Variants in FBXL17 observed in about 807,000 individuals in gnomAD.
FBXL17 encodes the protein F-box and leucine rich repeat protein 17, also known as F-box/LRR-repeat protein 17.
Under a neutral mutation model 66.2 loss-of-function variants are expected in FBXL17, and 22 were observed. The ratio of observed to expected loss-of-function variants is 0.33; its 90% CI spans 0.24 to 0.47. FBXL17 has a LOEUF of 0.47. Ranked by LOEUF, FBXL17 falls within the 20% of genes least tolerant of loss-of-function variation. The pLI, the probability that FBXL17 is intolerant of heterozygous loss-of-function variation, is 1.00. For synonymous variants in FBXL17, 474 were observed against 400.5 expected, an observed-to-expected ratio of 1.18 and a Z score of -2.19; for missense variants, 878 against 948.2, an observed-to-expected ratio of 0.93 and a Z score of 0.97.
chr5:108,275,394 A>G (rs1757443278), intron 4 of FBXL17, among the ~76,000 whole-genome samples: 1 of 152,182 alleles, frequency 6.6e-6, no homozygotes, highest in African/African-American at 2.4e-5. Context: ...AAATGCCACA[A>G]TTGTCACCTT....
intron 6 of FBXL17, among the ~76,000 whole-genome samples, chr5:108,102,042 G>A (rs1749622002): frequency 6.6e-6 from 1 of 152,110 alleles, no homozygotes; most frequent in Non-Finnish European, 1.5e-5. Context: ...TAAGTGGCTG[G>A]GGCCCAAGTG....
chr5:108,115,396 T>G (rs1312612243), intron 6 of FBXL17, among the ~76,000 whole-genome samples: 1 of 152,120 alleles, frequency 6.6e-6, no homozygotes, highest in African/African-American at 2.4e-5. Context: ...AAGCTCACGC[T>G]ATCATATATA....
At position 108,177,505 on chromosome 5, in the gene FBXL17, A is replaced by G. The variant is rs565114584; in HGVS notation, c.1745+8612T>C. The stretch of plus-strand genomic sequence containing the variant: ...GATGACCATTTAATTTATCATTTAA[A>G]TTAAATATTCTGGAACTTAGGAACA... On this transcript the variant is annotated intron_variant, in intron 6 of 8. Coordinates refer to ENST00000542267, the MANE Select transcript of FBXL17 (RefSeq NM_001163315.3). Among the ~76,000 whole-genome samples, 26 of 152,308 alleles carry G rather than the reference A, an allele frequency of 1.7e-4. No homozygotes were observed. In the South Asian group the frequency reaches 3.5e-3, roughly 21 times the overall value.
intron 6 of FBXL17, among the ~76,000 whole-genome samples, chr5:108,085,356 C>A (rs1748927706): frequency 1.3e-5 from 2 of 152,266 alleles, no homozygotes; most frequent in African/African-American, 4.8e-5. Flanking sequence ...TCCAAAAATC[C>A]ATTTCACATT....
intron 6 of FBXL17, among the ~76,000 whole-genome samples, chr5:108,137,122 G>A (rs1447178149): frequency 6.6e-6 from 1 of 152,050 alleles, no homozygotes; most frequent in African/African-American, 2.4e-5. Flanking sequence ...AACTAAATAT[G>A]TCTCTTTTAA....
In FBXL17 at chr5:107,887,672, T is replaced by C. The variant is rs546167485; in HGVS notation, c.1823-6493A>G. ...AAATGACACTTTCAGAATCATTTGT[T>C]GCATTCATGGTCCCTGCGAAGGCTC... is the stretch of plus-strand genomic sequence containing the variant. On this transcript the variant is annotated intron_variant, in intron 7 of 8. Coordinates refer to ENST00000542267, the MANE Select transcript of FBXL17 (RefSeq NM_001163315.3). Among the ~76,000 whole-genome samples, 11 of 152,296 alleles carry C rather than the reference T, an allele frequency of 7.2e-5. No individual in the cohort carries two copies. In the South Asian group the frequency reaches 2.3e-3, roughly 32 times the overall value.
At chr5:108,088,050 G>A (rs566519347) in intron 6 of FBXL17, among the ~76,000 whole-genome samples, 222 of 152,184 alleles carry the variant, frequency 1.5e-3, no homozygotes, top group Non-Finnish European at 2.7e-3. Context: ...TAAATATATA[G>A]ATGATGGGAA....
At chr5:108,035,433 C>T (rs1186929955) in intron 6 of FBXL17, among the ~76,000 whole-genome samples, 1 of 152,008 alleles carries the variant, frequency 6.6e-6, no homozygotes, top group Non-Finnish European at 1.5e-5. Flanking sequence ...ATGGCGTGAT[C>T]CTGGCTCACT....
At chr5:108,177,149 C>A (rs1752824042) in intron 6 of FBXL17, among the ~76,000 whole-genome samples, 1 of 152,096 alleles carries the variant, frequency 6.6e-6, no homozygotes, top group Admixed American at 6.5e-5. Flanking sequence ...AATTGTGCAT[C>A]ATTATAAGTT....
At chr5:108,296,258 G>T (rs1474393843) in intron 4 of FBXL17, among the ~76,000 whole-genome samples, 1 of 151,620 alleles carries the variant, frequency 6.6e-6, no homozygotes, top group East Asian at 1.9e-4. Flanking sequence ...AGTGGATAAG[G>T]AAAAAGCAAG....
intron 6 of FBXL17, among the ~76,000 whole-genome samples, chr5:108,158,272 A>G (rs920131164): frequency 6.6e-6 from 1 of 152,220 alleles, no homozygotes; most frequent in Non-Finnish European, 1.5e-5. Context: ...CTCATTTACC[A>G]ACAACGAATT....
intron 4 of FBXL17, among the ~76,000 whole-genome samples, chr5:108,277,652 G>C (rs939024398): frequency 2.0e-5 from 3 of 152,132 alleles, no homozygotes; most frequent in Non-Finnish European, 4.4e-5. Flanking sequence ...GCAAGAAGCA[G>C]TAATTGGTAC....
At chr5:108,006,497 AGTAGTGGTTATGAC>A (rs1195841048) in intron 7 of FBXL17, among the ~76,000 whole-genome samples, 3 of 152,360 alleles carry the variant, frequency 2.0e-5, no homozygotes, top group African/African-American at 7.2e-5. Flanking sequence ...AGGGAAGAAC[AGTAGTGGTTATGAC>A]GAAGTGATAG....
chr5:108,259,476 G>C (rs1205126141), intron 4 of FBXL17, among the ~76,000 whole-genome samples: 2 of 152,154 alleles, frequency 1.3e-5, no homozygotes, highest in Non-Finnish European at 2.9e-5. Context: ...TTACATTCCT[G>C]ACCTGCCAGC....
chr5:108,278,204 C>T (rs916153280), intron 4 of FBXL17, among the ~76,000 whole-genome samples: 17 of 152,126 alleles, frequency 1.1e-4, no homozygotes, highest in Non-Finnish European at 2.1e-4. Flanking sequence ...CCTGACCCTC[C>T]AACCCCCAAA....
At chr5:108,146,336 T>C (rs1401997437) in intron 6 of FBXL17, among the ~76,000 whole-genome samples, 1 of 151,658 alleles carries the variant, frequency 6.6e-6, no homozygotes, top group Non-Finnish European at 1.5e-5. Flanking sequence ...CAAATCCCCA[T>C]ATTCGAACGA....
At chr5:107,958,539 C>A (rs1290569869) in intron 7 of FBXL17, among the ~76,000 whole-genome samples, 2 of 152,142 alleles carry the variant, frequency 1.3e-5, no homozygotes, top group African/African-American at 4.8e-5. Flanking sequence ...GTAACTTGTC[C>A]TTAAAAAGCA....
At chr5:108,001,536 C>A (rs550254866) in intron 7 of FBXL17, among the ~76,000 whole-genome samples, 3 of 151,950 alleles carry the variant, frequency 2.0e-5, no homozygotes, top group African/African-American at 7.2e-5. Flanking sequence ...AGTCGCACTC[C>A]ATCGCCCAGG....
intron 6 of FBXL17, among the ~76,000 whole-genome samples, chr5:108,076,442 A>C (rs575112345): frequency 6.6e-6 from 1 of 152,376 alleles, no homozygotes; most frequent in Middle Eastern, 3.4e-3. Context: ...TTAACATTAT[A>C]ATAAGTATAT....
Sources: gnomAD v4.1 joint callset for allele counts (sites outside exome capture counted in the v4.1 genomes callset) on GRCh38, gnomAD v4.1.1 for gene constraint, MANE v1.5 for transcripts, NCBI Gene and HGNC (gene_info 2026-07-23, HGNC 2026-07-21) for gene names.